The following DPY19L4 variants were observed in gnomAD, a reference collection of about 807,000 sequenced individuals.
DPY19L4 encodes dpy-19 like 4.
In DPY19L4, 97 loss-of-function variants were observed where a neutral mutation model predicts 102.8. The ratio of observed to expected loss-of-function variants is 0.94; its 90% confidence interval spans 0.80 to 1.12. The LOEUF (loss-of-function observed/expected upper bound fraction) is 1.12. Ranked by LOEUF, DPY19L4 falls within the 50% of genes most tolerant of loss-of-function variation. The pLI is 0.00. For missense variants in DPY19L4, 815 were observed against 850.4 expected, an observed-to-expected ratio of 0.96 and a Z score of 0.52; for synonymous variants, 252 against 283.1, an observed-to-expected ratio of 0.89 and a Z score of 1.10.
chr8:94,730,174 T>C (rs948345055), intron 2 of DPY19L4, among the ~76,000 whole-genome samples: 1 of 152,192 alleles, frequency 6.6e-6, no homozygotes, highest in African/African-American at 2.4e-5. Flanking sequence ...TTCTATATTC[T>C]GATAGTGACA....
intron 1 of DPY19L4, 146 bp downstream of exon 1, chr8:94,720,160 C>T: frequency 7.3e-7 from 1 of 1,365,780 alleles, no homozygotes; most frequent in Non-Finnish European, 9.5e-7. Flanking sequence ...GCGCGGCGCC[C>T]AGGAGAGGAC....
intron 6 of DPY19L4, among the ~76,000 whole-genome samples, chr8:94,749,820 T>C (rs1043314575): frequency 2.6e-5 from 4 of 152,220 alleles, no homozygotes; most frequent in African/African-American, 9.6e-5. Context: ...GAAGACATCA[T>C]GTTCATTAAA....
chr8:94,766,188 A>G (rs1443755429), intron 10 of DPY19L4, among the ~76,000 whole-genome samples: 1 of 152,260 alleles, frequency 6.6e-6, no homozygotes, highest in African/African-American at 2.4e-5. Flanking sequence ...AGCTTGGCCA[A>G]CATAGTGAAA....
intron 18 of DPY19L4, among the ~76,000 whole-genome samples, chr8:94,788,378 A>T (rs1162149628): frequency 6.6e-6 from 1 of 152,102 alleles, no homozygotes; most frequent in Non-Finnish European, 1.5e-5. Context: ...TGATGATTTT[A>T]TTTTATTATA....
chr8:94,750,998 C>A (rs1811894774), intron 6 of DPY19L4, among the ~76,000 whole-genome samples: 1 of 151,980 alleles, frequency 6.6e-6, no homozygotes, highest in African/African-American at 2.4e-5. Context: ...CCAGGCTGGT[C>A]TCAAACTCCT....
intron 8 of DPY19L4, among the ~76,000 whole-genome samples, chr8:94,764,436 G>T (rs1256159487): frequency 3.3e-5 from 5 of 151,390 alleles, no homozygotes; most frequent in Non-Finnish European, 5.9e-5. Context: ...AATTAGCCGG[G>T]CGTGGTGGTG....
intron 17 of DPY19L4, among the ~76,000 whole-genome samples, chr8:94,785,416 G>A (rs1030495678): frequency 3.3e-5 from 5 of 152,142 alleles, no homozygotes; most frequent in Non-Finnish European, 7.4e-5. Flanking sequence ...CCCTTGATCT[G>A]GGCTTTGAAG....
intron 2 of DPY19L4, among the ~76,000 whole-genome samples, chr8:94,734,320 G>A (rs1811101874): frequency 6.6e-6 from 1 of 152,014 alleles, no homozygotes; most frequent in South Asian, 2.1e-4. Context: ...GTGCCACCAT[G>A]CCCAGCCCCT....
chr8:94,723,785 GA>G (rs1810574541), intron 1 of DPY19L4, among the ~76,000 whole-genome samples: 1 of 151,988 alleles, frequency 6.6e-6, no homozygotes, highest in African/African-American at 2.4e-5. Context: ...TTTTCCCCTT[GA>G]AAAACCTATT....
At chr8:94,733,996 A>T (rs546237339) in intron 2 of DPY19L4, among the ~76,000 whole-genome samples, 11 of 151,844 alleles carry the variant, frequency 7.2e-5, no homozygotes, top group African/African-American at 2.7e-4. Flanking sequence ...ATATTGATAC[A>T]TTATTATTAA....
Position 94,777,710 on chromosome 8 carries a change from T to G in DPY19L4, c.1499T>G (p.Phe500Cys). The G allele has an allele frequency of 1.2e-6, 2 of 1,614,110 alleles. No homozygotes were observed. Among genetic ancestry groups the G allele is most frequent in the Non-Finnish European group, 1.7e-6 (2 of 1,179,986 alleles). The stretch of plus-strand genomic sequence containing the variant: ...CCTTATGTGTGCATGTTAGCAGCAT[T>G]TGGTGTATGTTCTCCCGAACTTTGG... ...WIPYVCMLAA[F>C]GVCSPELWMT... is the part of the protein sequence containing the mutation. Residue 500 changes from phenylalanine (F) to cysteine (C), a missense_variant, in exon 14 of 19, where the codon TTT (phenylalanine) becomes TGT (cysteine). Physicochemically the swap from Phe to Cys is radical, Grantham distance 205 (BLOSUM62 -2). Coordinates refer to ENST00000414645, the MANE Select transcript of DPY19L4 (RefSeq NM_181787.3).
At chr8:94,741,762 C>A (rs905525316) in intron 6 of DPY19L4, among the ~76,000 whole-genome samples, 1 of 152,236 alleles carries the variant, frequency 6.6e-6, no homozygotes, top group Admixed American at 6.5e-5. Context: ...TCTTTTGACA[C>A]AACTTTGTTA....
intron 13 of DPY19L4, among the ~76,000 whole-genome samples, chr8:94,773,940 T>C (rs1286383093): frequency 8.2e-6 from 1 of 121,446 alleles, no homozygotes; most frequent in Non-Finnish European, 1.6e-5. Flanking sequence ...GAGGCTGAGG[T>C]GGATGGATTG....
intron 18 of DPY19L4, 86 bp downstream of exon 18, chr8:94,788,138 CTT>C: frequency 2.8e-6 from 2 of 721,574 alleles, no homozygotes; most frequent in Non-Finnish European, 3.7e-6. Flanking sequence ...AATCTTTAAA[CTT>C]TATTTTTAGA....
intron 6 of DPY19L4, 110 bp downstream of exon 6, chr8:94,739,900 A>G (rs940464374): frequency 4.8e-6 from 6 of 1,262,488 alleles, no homozygotes; most frequent in South Asian, 2.8e-5. Context: ...CTCAGAACCT[A>G]TGAATATGAT....
chr8:94,793,633 T>C lies in DPY19L4; in HGVS notation c.*3723T>C, dbSNP rs1813938555. ...TAGATCCCAATGTGTATTAGAATTA[T>C]AGCTACAAAAAGTTGCAAGTAAAAT... On this transcript the variant is annotated 3_prime_UTR_variant, in exon 19 of 19. Coordinates refer to ENST00000414645, the MANE Select transcript of DPY19L4 (RefSeq NM_181787.3). The C allele has an allele frequency of 6.6e-6, 1 of 152,192 alleles. No individual in the cohort carries two copies. The highest frequency in any genetic ancestry group is 1.5e-5 in the Non-Finnish European group (1 of 68,006). 9.4% of individuals were successfully genotyped at this position (152,192 alleles called of 1,614,324 possible). A position where few individuals can be genotyped will look rare whatever the true frequency, so the allele number is the denominator to read the frequency against.
intron 13 of DPY19L4, among the ~76,000 whole-genome samples, chr8:94,772,439 G>C (rs572618643): frequency 2.0e-5 from 3 of 152,336 alleles, no homozygotes; most frequent in Admixed American, 2.0e-4. Context: ...AAAAGACACA[G>C]ATTAAAATCA....
intron 13 of DPY19L4, among the ~76,000 whole-genome samples, chr8:94,777,100 CT>C (rs1813221177): frequency 6.6e-6 from 1 of 151,952 alleles, no homozygotes; most frequent in South Asian, 2.1e-4. Flanking sequence ...CAGAGTCTCG[CT>C]TTTCACCCAG....
intron 18 of DPY19L4, 65 bp from the exon 19 acceptor site, chr8:94,789,681 A>G (rs1813810317): frequency 7.4e-7 from 1 of 1,359,514 alleles, no homozygotes; most frequent in East Asian, 2.4e-5. Context: ...TCATTTGTAT[A>G]TTGATTGCAT....
Sources: gnomAD v4.1 joint callset for allele counts (sites outside exome capture counted in the v4.1 genomes callset) on GRCh38, gnomAD v4.1.1 for gene constraint, MANE v1.5 for transcripts, NCBI Gene and HGNC (gene_info 2026-07-23, HGNC 2026-07-21) for gene names.